The following PTGER4 variants were observed in gnomAD, a reference collection of about 807,000 sequenced individuals.
PTGER4 encodes the protein prostaglandin E receptor 4, also known as prostaglandin E2 receptor EP4 subtype.
A neutral mutation model predicts 33.2 loss-of-function variants in PTGER4; 11 were observed. That is an observed-to-expected ratio of 0.33 (90% CI 0.21 to 0.55). The LOEUF (loss-of-function observed/expected upper bound fraction) is 0.55, where lower values mean the gene tolerates loss of function less well. Ranked by LOEUF, PTGER4 falls within the 20% of genes least tolerant of loss-of-function variation. The pLI is 0.92. For synonymous variants in PTGER4, 275 were observed against 281.5 expected, an observed-to-expected ratio of 0.98 and a Z score of 0.23; for missense variants, 481 against 650.2, an observed-to-expected ratio of 0.74 and a Z score of 2.83.
the PTGER4 span, chr5:40,730,399 T>C: frequency 9.3e-5 from 136 of 1,455,282 alleles, no homozygotes; most frequent in East Asian, 2.7e-3. Flanking sequence ...TTTTGGACTT[T>C]CAAAAAAAAA....
the PTGER4 span, among the ~76,000 whole-genome samples, chr5:40,709,469 C>G: frequency 6.6e-6 from 1 of 152,186 alleles, no homozygotes; most frequent in Non-Finnish European, 1.5e-5. Flanking sequence ...AGGAATCTAA[C>G]TTACAAGGGA....
intron 2 of PTGER4, among the ~76,000 whole-genome samples, chr5:40,686,041 T>C (rs1213636267): frequency 2.0e-5 from 3 of 152,082 alleles, no homozygotes; most frequent in African/African-American, 4.8e-5. Flanking sequence ...AGAACCAAGC[T>C]CTCCTACACA....
At chr5:40,704,587 C>T in the PTGER4 span, among the ~76,000 whole-genome samples, 1 of 152,192 alleles carries the variant, frequency 6.6e-6, no homozygotes, top group Non-Finnish European at 1.5e-5. Flanking sequence ...CCCATAGTCT[C>T]AGACCAAACA....
chr5:40,689,567 G>A (rs1741417018), intron 2 of PTGER4, among the ~76,000 whole-genome samples: 1 of 152,072 alleles, frequency 6.6e-6, no homozygotes, highest in Non-Finnish European at 1.5e-5. Flanking sequence ...AAGTGCCAAA[G>A]GAACACATGC....
chr5:40,739,944 TA>T, the PTGER4 span, among the ~76,000 whole-genome samples: 1 of 151,926 alleles, frequency 6.6e-6, no homozygotes, highest in Non-Finnish European at 1.5e-5. Flanking sequence ...TGCTTTTTTT[TA>T]AAAATAAAGT....
chr5:40,735,784 G>A, the PTGER4 span, among the ~76,000 whole-genome samples: 1 of 152,220 alleles, frequency 6.6e-6, no homozygotes, highest in Non-Finnish European at 1.5e-5. Flanking sequence ...GTGGTCACCT[G>A]TGCTGAATGA....
the PTGER4 span, among the ~76,000 whole-genome samples, chr5:40,726,711 A>C: frequency 1.3e-5 from 2 of 152,050 alleles, no homozygotes; most frequent in East Asian, 3.8e-4. Flanking sequence ...TCTCACCTGC[A>C]GTGTATTTTC....
At chr5:40,695,062 A>C (rs1252251689), downstream of PTGER4, among the ~76,000 whole-genome samples, 1 of 151,428 alleles carries the variant, frequency 6.6e-6, no homozygotes, top group African/African-American at 2.4e-5. Flanking sequence ...TCTTTGAGAC[A>C]ATCTAACCGA....
At position 40,691,934 on chromosome 5, in the gene PTGER4, A is replaced by G; in HGVS notation, c.1023A>G (p.Ile341Met). The G allele has an allele frequency of 6.2e-7, 1 of 1,614,282 alleles. No homozygotes were observed. Among genetic ancestry groups the G allele is most frequent in the Non-Finnish European group, 8.5e-7 (1 of 1,180,050 alleles). The change falls in exon 3 of 3, where the codon ATA becomes ATG. Residue 341 changes from isoleucine to methionine, a missense_variant. Physicochemically the swap from Ile to Met is conservative, Grantham distance 10. This residue lies in a region of PTGER4 where 172 missense variants were observed against 199.2 expected (regional missense o/e 0.86). Coordinates refer to ENST00000302472, the MANE Select transcript of PTGER4 (RefSeq NM_000958.3). This position sits in a 1 kb window ranked among gnomAD's most constrained non-coding sequence, Gnocchi z 4.2. ...GAAAGACAGTGCTCAGTAAAGCAATAGAGAAGATCAAATGCCTCTTCTGCC... is the reference window on the plus strand; with the variant it reads ...GAAAGACAGTGCTCAGTAAAGCAATGGAGAAGATCAAATGCCTCTTCTGCC... ...LLRKTVLSKAIEKIKCLFCRI... is the reference protein window; with the variant it reads ...LLRKTVLSKAMEKIKCLFCRI...
chr5:40,722,970 G>A, the PTGER4 span, among the ~76,000 whole-genome samples: 1 of 152,208 alleles, frequency 6.6e-6, no homozygotes, highest in Admixed American at 6.5e-5. Context: ...GGGCCATGAT[G>A]ACGATGGCGG....
chr5:40,710,442 G>C, the PTGER4 span, among the ~76,000 whole-genome samples: 2 of 152,110 alleles, frequency 1.3e-5, no homozygotes, highest in Non-Finnish European at 2.9e-5. Flanking sequence ...TGCTGGAGAG[G>C]ATGTGGAGAA....
At chr5:40,684,116 A>ACCC (rs1438448504) in intron 2 of PTGER4, among the ~76,000 whole-genome samples, 14 of 38,312 alleles carry the variant, frequency 3.7e-4, no homozygotes, top group African/African-American at 1.6e-3. Flanking sequence ...TCATTATGCC[A>ACCC]CCCACCCACC....
chr5:40,705,678 C>T, the PTGER4 span, among the ~76,000 whole-genome samples: 4 of 152,140 alleles, frequency 2.6e-5, no homozygotes, highest in East Asian at 1.9e-4. Context: ...CATGAACAGA[C>T]ACTTTTCAAA....
At position 40,692,319 on chromosome 5, in the gene PTGER4, A is replaced by T; in HGVS notation, c.1408A>T (p.Ser470Cys). The part of the protein sequence containing the change: ...SGRAGPAPKG[S>C]SLQVTFPSET... ...CAGGGCTGGGCCTGCCCCTAAGGGG[A>T]GCTCCCTGCAAGTCACATTTCCCAG... Residue 470 changes from serine (S) to cysteine (C), a missense_variant, in exon 3 of 3, where the codon AGC becomes TGC. Transcript: ENST00000302472. The T allele has an allele frequency of 1.9e-6, 3 of 1,610,890 alleles. No individual in the cohort carries two copies. The highest frequency in any genetic ancestry group is 2.5e-6 in the Non-Finnish European group (3 of 1,178,450).
At chr5:40,686,283 C>A (rs1741321280) in intron 2 of PTGER4, among the ~76,000 whole-genome samples, 1 of 152,212 alleles carries the variant, frequency 6.6e-6, no homozygotes, top group Non-Finnish European at 1.5e-5. Flanking sequence ...CAGTCCATTA[C>A]TAAATCTAAT....
the PTGER4 span, among the ~76,000 whole-genome samples, chr5:40,726,218 A>ATG: frequency 3.1e-3 from 475 of 151,030 alleles, 2 homozygotes; most frequent in Non-Finnish European, 4.5e-3. Flanking sequence ...CATATTTTAT[A>ATG]TATATATATC....
the PTGER4 span, among the ~76,000 whole-genome samples, chr5:40,702,860 A>T: frequency 1.3e-5 from 2 of 152,222 alleles, no homozygotes; most frequent in East Asian, 3.8e-4. Context: ...CACAATGAAA[A>T]TTGCTCAAAA....
chr5:40,742,506 C>T, the PTGER4 span, among the ~76,000 whole-genome samples: 2 of 152,176 alleles, frequency 1.3e-5, no homozygotes, highest in African/African-American at 4.8e-5. Flanking sequence ...AGCTGGTCAA[C>T]AGCAGAACTA....
At chr5:40,746,759 T>C in the PTGER4 span, 1 of 1,473,328 alleles carries the variant, frequency 6.8e-7, no homozygotes, top group South Asian at 1.3e-5. Flanking sequence ...CTAGAAAATG[T>C]AAGCTCTTCT....
Sources: allele counts gnomAD v4.1 joint callset (sites outside exome capture counted in the v4.1 genomes callset), GRCh38; gene constraint gnomAD v4.1.1; regional missense constraint gnomAD v4.1.1; non-coding constraint Gnocchi (gnomAD v3.1); transcripts MANE v1.5; gene names NCBI Gene and HGNC (gene_info 2026-07-23, HGNC 2026-07-21).